The following SLC5A4 variants were observed in gnomAD, a reference collection of about 807,000 sequenced individuals.
SLC5A4 encodes the protein probable glucose sensor protein SLC5A4.
In SLC5A4, 55 loss-of-function variants were observed where a neutral mutation model predicts 70.3. The observed-to-expected ratio is 0.78, with a 90% confidence interval of 0.63 to 0.98. The LOEUF (loss-of-function observed/expected upper bound fraction) is 0.98, where lower values mean the gene tolerates loss of function less well. SLC5A4 is among the 50% of genes least tolerant of loss of function. The probability of loss-of-function intolerance (pLI) is 0.00; values close to 1 mark genes in which losing one functional copy is unlikely to be tolerated. For synonymous variants in SLC5A4, 268 were observed against 305.7 expected (o/e 0.88, Z 1.29); for missense variants, 735 against 839.2 (o/e 0.88, Z 1.53).
upstream of SLC5A4, among the ~76,000 whole-genome samples, chr22:32,259,143 C>A (rs925322281): frequency 2.0e-4 from 31 of 152,324 alleles, no homozygotes; most frequent in African/African-American, 6.3e-4. Flanking sequence ...TGGCAGAGAT[C>A]TGCTGTACAC....
intron 1 of SLC5A4, among the ~76,000 whole-genome samples, chr22:32,254,557 C>A (rs1486757804): frequency 6.6e-6 from 1 of 152,180 alleles, no homozygotes; most frequent in African/African-American, 2.4e-5. Context: ...GTAATTCCAG[C>A]ACTTTGGAGG....
the SLC5A4 span, among the ~76,000 whole-genome samples, chr22:32,301,361 G>A: frequency 6.6e-6 from 1 of 152,170 alleles, no homozygotes; most frequent in African/African-American, 2.4e-5. Context: ...TATTCTGATA[G>A]GTGTGTAGTG....
chr22:32,277,500 C>A, the SLC5A4 span, among the ~76,000 whole-genome samples: 300 of 152,258 alleles, frequency 2.0e-3, 3 homozygotes, highest in African/African-American at 7.1e-3. Context: ...TCATGATGTT[C>A]ATCACTCTTG....
the SLC5A4 span, among the ~76,000 whole-genome samples, chr22:32,322,765 A>C: frequency 6.6e-6 from 1 of 152,132 alleles, no homozygotes; most frequent in African/African-American, 2.4e-5. Flanking sequence ...ACAGGCAGAT[A>C]TTCTCACATG....
chr22:32,332,887 G>GT, the SLC5A4 span, among the ~76,000 whole-genome samples: 2 of 152,160 alleles, frequency 1.3e-5, no homozygotes, highest in East Asian at 1.9e-4. Context: ...GCCTCTGTCC[G>GT]TAACTCCTGC....
At chr22:32,235,170 G>C (rs1925993165) in intron 7 of SLC5A4, 77 bp from the exon 8 acceptor site, 1 of 1,092,026 alleles carries the variant, frequency 9.2e-7, no homozygotes, top group Admixed American at 1.9e-5. Context: ...CTACTTTTTG[G>C]TGGAGGTAAA....
intron 3 of SLC5A4, among the ~76,000 whole-genome samples, chr22:32,249,103 G>A (rs1409399093): frequency 6.6e-6 from 1 of 152,152 alleles, no homozygotes; most frequent in Admixed American, 6.6e-5. Context: ...TTCTTGAATT[G>A]CATAAATGAT....
At chr22:32,317,611 C>T in the SLC5A4 span, among the ~76,000 whole-genome samples, 2 of 152,096 alleles carry the variant, frequency 1.3e-5, no homozygotes, top group African/African-American at 4.8e-5. Flanking sequence ...TACAGGTGTG[C>T]ACCACTACAC....
At chr22:32,251,347 T>G (rs1318698238) in intron 3 of SLC5A4, among the ~76,000 whole-genome samples, 1 of 152,112 alleles carries the variant, frequency 6.6e-6, no homozygotes, top group Non-Finnish European at 1.5e-5. Flanking sequence ...GATTAGGTTA[T>G]GAGGGCTCTT....
At chr22:32,260,134 A>G (rs908110440), upstream of SLC5A4, among the ~76,000 whole-genome samples, 2 of 152,184 alleles carry the variant, frequency 1.3e-5, no homozygotes, top group Non-Finnish European at 2.9e-5. Context: ...GGGTCCCCCT[A>G]TACTTCCTCA....
the SLC5A4 span, among the ~76,000 whole-genome samples, chr22:32,326,334 G>A: frequency 2.7e-5 from 4 of 149,218 alleles, no homozygotes; most frequent in African/African-American, 7.5e-5. Context: ...TTGGCTCACT[G>A]CAATCTCTGC....
chr22:32,343,628 C>T, the SLC5A4 span, among the ~76,000 whole-genome samples: 28 of 152,166 alleles, frequency 1.8e-4, no homozygotes, highest in African/African-American at 6.3e-4. Flanking sequence ...GCAGTCTTAA[C>T]GGATAAACTA....
the SLC5A4 span, among the ~76,000 whole-genome samples, chr22:32,292,431 A>G: frequency 6.7e-6 from 1 of 149,298 alleles, no homozygotes; most frequent in Non-Finnish European, 1.5e-5. Context: ...GTGTGTGTGT[A>G]TATGCTAGAA....
At chr22:32,299,913 C>T in the SLC5A4 span, among the ~76,000 whole-genome samples, 1 of 113,962 alleles carries the variant, frequency 8.8e-6, no homozygotes, top group East Asian at 2.3e-4. Flanking sequence ...TGTACCCTGC[C>T]GTGTGAGGTG....
At chr22:32,255,444 G>C, upstream of SLC5A4, 1 of 1,166,924 alleles carries the variant, frequency 8.6e-7, no homozygotes, top group East Asian at 2.4e-5. Context: ...CCTGGATATG[G>C]AGACCTTTAA....
chr22:32,336,651 C>T, the SLC5A4 span, among the ~76,000 whole-genome samples: 2 of 152,246 alleles, frequency 1.3e-5, no homozygotes, highest in Non-Finnish European at 2.9e-5. Flanking sequence ...CACAAAATCT[C>T]CATCTAAACT....
the SLC5A4 span, among the ~76,000 whole-genome samples, chr22:32,323,133 C>G: frequency 4.6e-5 from 7 of 152,296 alleles, no homozygotes; most frequent in East Asian, 1.2e-3. Context: ...GATTCTCCCC[C>G]ACCAGGAGAT....
At chr22:32,218,831 T>G in intron 14 of SLC5A4, 106 bp from the exon 15 acceptor site, 1 of 788,560 alleles carries the variant, frequency 1.3e-6, no homozygotes, top group Non-Finnish European at 2.0e-6. Flanking sequence ...TACAATCAGC[T>G]GGGAGTGTTA....
the SLC5A4 span, among the ~76,000 whole-genome samples, chr22:32,291,816 T>A: frequency 1.3e-5 from 2 of 149,754 alleles, no homozygotes; most frequent in Non-Finnish European, 3.0e-5. Flanking sequence ...TTTTTATATT[T>A]TATATATATG....
Sources: allele counts gnomAD v4.1 joint callset (sites outside exome capture counted in the v4.1 genomes callset), GRCh38; gene constraint gnomAD v4.1.1; transcripts MANE v1.5; gene names NCBI Gene and HGNC (gene_info 2026-07-23, HGNC 2026-07-21).